Variants in IRAG1 observed in about 807,000 individuals in gnomAD.
IRAG1 encodes the protein IP3R-associated cGMP kinase substrate.
Under a neutral mutation model 106.2 loss-of-function variants are expected in IRAG1, and 62 were observed. That is an observed-to-expected ratio of 0.58 (90% CI 0.48 to 0.72). The LOEUF (loss-of-function observed/expected upper bound fraction) is 0.72, where lower values mean the gene tolerates loss of function less well. Among genes scored for constraint, IRAG1 ranks in the 30% least tolerant of loss-of-function variants. The pLI, the probability that IRAG1 is intolerant of heterozygous loss-of-function variation, is 0.00. For missense variants in IRAG1, 1,064 were observed against 1,140.7 expected, an observed-to-expected ratio of 0.93 and a Z score of 0.97; for synonymous variants, 462 against 443.9, an observed-to-expected ratio of 1.04 and a Z score of -0.51.
intron 10 of IRAG1, among the ~76,000 whole-genome samples, chr11:10,622,506 GTTTCT>G (rs1054622316): frequency 2.0e-5 from 3 of 151,962 alleles, no homozygotes; most frequent in African/African-American, 7.3e-5. Flanking sequence ...TTTTAAAAAT[GTTTCT>G]TTTGAGACAG....
chr11:10,586,274 G>T (rs1851976810), intron 18 of IRAG1: 3 of 152,152 alleles, frequency 2.0e-5, no homozygotes, highest in Admixed American at 1.3e-4. Context: ...AACTGAGCTT[G>T]TAGTTTCCTA....
At position 10,689,854 on chromosome 11, in the gene IRAG1, T is replaced by C. The variant is rs566634408; in HGVS notation, c.67+3682A>G. Among the ~76,000 whole-genome samples, 19 of 152,354 alleles carry C rather than the reference T, an allele frequency of 1.2e-4. No individual in the cohort carries two copies. In the East Asian group the frequency reaches 3.3e-3, roughly 26 times the overall value. Reference sequence around the variant, plus strand: ...CACACCATAATATAAACAATACTTATCACTGAGGAATGGTATTCTAGAGGG... The same window carrying C: ...CACACCATAATATAAACAATACTTACCACTGAGGAATGGTATTCTAGAGGG... On this transcript the variant is annotated intron_variant, in intron 1 of 20. Coordinates refer to ENST00000423302, the MANE Select transcript of IRAG1 (RefSeq NM_130385.4).
intron 15 of IRAG1, among the ~76,000 whole-genome samples, chr11:10,596,809 G>C (rs1314350024): frequency 6.6e-6 from 1 of 152,160 alleles, no homozygotes; most frequent in Non-Finnish European, 1.5e-5. Context: ...GGATAAGCTA[G>C]GTTATACTAG....
Position 10,659,869 on chromosome 11 carries a change from C to T in IRAG1, c.68-7687G>A, listed in dbSNP as rs1250468990. On this transcript the variant is annotated intron_variant, in intron 1 of 20. Transcript: ENST00000423302. This position sits in a 1 kb window ranked among gnomAD's most constrained non-coding sequence, Gnocchi z 4.1. ...TAAATCTTGCCCAGTTCTGTTTGTT[C>T]CAGGCTGCTCAGCAGCCTCTTCCCT... 6.6e-6 allele frequency among the ~76,000 whole-genome samples: 1 copy of T among 151,970 alleles called. No individual in the cohort carries two copies. Among genetic ancestry groups the T allele is most frequent in the Non-Finnish European group, 1.5e-5 (1 of 68,000 alleles).
At chr11:10,584,484 C>A (rs544448637) in intron 18 of IRAG1, among the ~76,000 whole-genome samples, 1 of 146,590 alleles carries the variant, frequency 6.8e-6, no homozygotes, top group South Asian at 2.1e-4. Context: ...TTTATCCAAA[C>A]GACTGGAGCA....
At position 10,657,991 on chromosome 11, in the gene IRAG1, T is replaced by C. The variant is rs1859055774; in HGVS notation, c.68-5809A>G. ...TTTCTGACTTTTCATTTTGACGGTT[T>C]TGCTCATAGTAAAGGGTAAGCCATT... On this transcript the variant is annotated intron_variant, in intron 1 of 20. Transcript: ENST00000423302. This position sits in a 1 kb window ranked among gnomAD's most constrained non-coding sequence, Gnocchi z 4.1. 6.6e-6 allele frequency among the ~76,000 whole-genome samples: 1 copy of C among 152,258 alleles called. No individual in the cohort carries two copies. The highest frequency in any genetic ancestry group is 2.4e-5 in the African/African-American group (1 of 41,472).
At chr11:10,630,415 A>AG (rs1169295014) in intron 4 of IRAG1, among the ~76,000 whole-genome samples, 1 of 148,766 alleles carries the variant, frequency 6.7e-6, no homozygotes, top group Non-Finnish European at 1.5e-5. Flanking sequence ...TCTGTGGCCC[A>AG]GGCTGGAGTG....
intron 14 of IRAG1, among the ~76,000 whole-genome samples, chr11:10,602,606 A>G (rs751108237): frequency 6.6e-6 from 1 of 152,080 alleles, no homozygotes. Context: ...ACTTTCTGAG[A>G]CTCTGCATCT....
At chr11:10,607,592 C>T (rs1023126600) in intron 11 of IRAG1, among the ~76,000 whole-genome samples, 1 of 152,192 alleles carries the variant, frequency 6.6e-6, no homozygotes, top group African/African-American at 2.4e-5. Flanking sequence ...AATGCACAGG[C>T]CCTTTCCTGT....
rs779157196 is a variant in IRAG1 at position 10,634,071 on chromosome 11, C to G, written c.226G>C (p.Gly76Arg). The G allele has an allele frequency of 1.4e-5, 23 of 1,598,948 alleles. No individual in the cohort carries two copies. The highest frequency in any genetic ancestry group is 1.2e-5 in the Non-Finnish European group (14 of 1,170,416). The change falls in exon 3 of 21, where the codon GGT becomes CGT. Residue 76 changes from glycine to arginine, a missense_variant and splice_region_variant. Coordinates refer to ENST00000423302, the MANE Select transcript of IRAG1 (RefSeq NM_130385.4). ...PQAAQSPAGQ[G>R]PPAAGVSCSP... The stretch of plus-strand genomic sequence containing the variant: ...CAAGATACTCCTGCGGCAGGAGGAC[C>G]CTGCCGGTTTAGAACAAAAACACAG...
chr11:10,633,943 C>T (rs1290144004), intron 3 of IRAG1, 25 bp downstream of exon 3: 3 of 1,403,668 alleles, frequency 2.1e-6, no homozygotes, highest in Non-Finnish European at 3.0e-6. Context: ...TTGTTTGTCA[C>T]AATGCAAGGA....
At chr11:10,596,628 T>C (rs967091083) in intron 15 of IRAG1, among the ~76,000 whole-genome samples, 2 of 152,338 alleles carry the variant, frequency 1.3e-5, no homozygotes, top group Middle Eastern at 3.4e-3. Context: ...ATAAATGTAT[T>C]TGGGACTTTC....
intron 18 of IRAG1, 74 bp downstream of exon 18, chr11:10,591,474 G>A: frequency 7.7e-7 from 1 of 1,302,212 alleles, no homozygotes; most frequent in Non-Finnish European, 1.1e-6. Flanking sequence ...GGATAAAAAT[G>A]GGAGGAAGGA....
chr11:10,662,495 G>C (rs949760088), intron 1 of IRAG1, among the ~76,000 whole-genome samples: 1 of 152,172 alleles, frequency 6.6e-6, no homozygotes, highest in African/African-American at 2.4e-5. Context: ...TGCCATCCAG[G>C]AGTAATTTGC....
At chr11:10,585,479 G>A (rs994094863) in intron 18 of IRAG1, among the ~76,000 whole-genome samples, 1 of 151,494 alleles carries the variant, frequency 6.6e-6, no homozygotes, top group Non-Finnish European at 1.5e-5. Context: ...AGTAGGCTGA[G>A]GCATGAGAAT....
At chr11:10,650,655 C>A (rs890811565) in intron 2 of IRAG1, among the ~76,000 whole-genome samples, 5 of 152,300 alleles carry the variant, frequency 3.3e-5, no homozygotes, top group Middle Eastern at 3.4e-3. Flanking sequence ...TCTCTCCTTT[C>A]CTTAATCCCC....
intron 10 of IRAG1, among the ~76,000 whole-genome samples, chr11:10,617,477 G>A (rs1382558599): frequency 6.6e-6 from 1 of 152,200 alleles, no homozygotes; most frequent in East Asian, 1.9e-4. Flanking sequence ...CTCCAAAGAA[G>A]AGAAATTGGT....
intron 10 of IRAG1, among the ~76,000 whole-genome samples, chr11:10,622,385 G>A (rs1855900955): frequency 6.6e-6 from 1 of 152,094 alleles, no homozygotes; most frequent in African/African-American, 2.4e-5. Context: ...CTGGCCTGTT[G>A]GAAACACTCA....
At chr11:10,604,664 C>A in intron 12 of IRAG1, 119 bp from the exon 13 acceptor site, 1 of 1,219,494 alleles carries the variant, frequency 8.2e-7, no homozygotes, top group Non-Finnish European at 1.2e-6. Flanking sequence ...GCCAAAGCAC[C>A]AAAGCAGCCA....
Sources: gnomAD v4.1 joint callset for allele counts (sites outside exome capture counted in the v4.1 genomes callset) on GRCh38, gnomAD v4.1.1 for gene constraint, Gnocchi (gnomAD v3.1) non-coding constraint, MANE v1.5 for transcripts, NCBI Gene and HGNC (gene_info 2026-07-23, HGNC 2026-07-21) for gene names.